The following NT5DC3 variants were observed in gnomAD, a reference collection of about 807,000 sequenced individuals.
NT5DC3 encodes 5'-nucleotidase domain-containing protein 3.
NT5DC3 carries 42 observed loss-of-function variants against 67.8 expected under a neutral mutation model. The observed-to-expected ratio is 0.62, with a 90% CI of 0.48 to 0.80. NT5DC3 has a LOEUF of 0.80. NT5DC3 is among the 30% of genes least tolerant of loss of function. The pLI is 0.00. For synonymous variants in NT5DC3, 237 were observed against 255.6 expected (o/e 0.93, Z 0.69); for missense variants, 570 against 696.4 (o/e 0.82, Z 2.04).
downstream of NT5DC3, chr12:103,770,814 C>G (rs1242074864): frequency 6.6e-6 from 1 of 152,174 alleles, no homozygotes; most frequent in Non-Finnish European, 1.5e-5. Context: ...ATCTTTACCC[C>G]CAAGGTGATA....
chr12:103,777,479 G>C lies in NT5DC3; in HGVS notation c.*350C>G. 4.0e-6 allele frequency: 1 copy of C among 252,686 alleles called. No homozygotes were observed. Among genetic ancestry groups the C allele is most frequent in the Non-Finnish European group, 7.6e-6 (1 of 131,784 alleles). 15.7% of individuals were successfully genotyped at this position (252,686 alleles called of 1,614,324 possible). A position where few individuals can be genotyped will look rare whatever the true frequency, so the allele number is the denominator to read the frequency against. On this transcript the variant is annotated 3_prime_UTR_variant, in exon 14 of 14. Transcript: ENST00000392876. The stretch of plus-strand genomic sequence containing the variant: ...GTAAATGTTCAGGAAATGTTCCATG[G>C]AGGAGTCAAGAACCGTTTCAAGCTT...
intron 1 of NT5DC3, among the ~76,000 whole-genome samples, chr12:103,838,303 T>C (rs2139496452): frequency 6.6e-6 from 1 of 152,322 alleles, no homozygotes; most frequent in Middle Eastern, 3.4e-3. Flanking sequence ...AAGGTGATCT[T>C]CCCCATCCCA....
chr12:103,836,258 T>C (rs1888142518), intron 1 of NT5DC3, among the ~76,000 whole-genome samples: 1 of 152,160 alleles, frequency 6.6e-6, no homozygotes, highest in African/African-American at 2.4e-5. Context: ...TCTTAACTCA[T>C]TTCAGCACTA....
chr12:103,828,910 G>GC (rs1230312582), intron 1 of NT5DC3, among the ~76,000 whole-genome samples: 1 of 152,014 alleles, frequency 6.6e-6, no homozygotes, highest in Non-Finnish European at 1.5e-5. Context: ...TGTTGGCCAG[G>GC]CTGGTCTTGA....
At chr12:103,746,344 C>T in the NT5DC3 span, 1 of 339,462 alleles carries the variant, frequency 2.9e-6, no homozygotes, top group African/African-American at 2.1e-5. Flanking sequence ...AATTGATAGC[C>T]CCTAAAGAAC....
downstream of NT5DC3, chr12:103,771,141 G>A (rs1455436113): frequency 2.6e-5 from 4 of 152,144 alleles, no homozygotes; most frequent in Non-Finnish European, 2.9e-5. Context: ...TCTTACATAC[G>A]TGTGTCTATA....
At chr12:103,830,637 T>C (rs1887887067) in intron 1 of NT5DC3, among the ~76,000 whole-genome samples, 1 of 152,252 alleles carries the variant, frequency 6.6e-6, no homozygotes, top group Non-Finnish European at 1.5e-5. Context: ...TTCTTCTTTT[T>C]CTAATCTGCC....
intron 4 of NT5DC3, among the ~76,000 whole-genome samples, chr12:103,804,440 A>C (rs1452726499): frequency 2.6e-5 from 4 of 152,330 alleles, no homozygotes; most frequent in African/African-American, 7.2e-5. Flanking sequence ...AAGCAAAGTG[A>C]GGGAGTAAAG....
At position 103,796,948 on chromosome 12, in the gene NT5DC3, G is replaced by A; in HGVS notation, c.699C>T (p.Tyr233=). 6.2e-7 allele frequency: 1 copy of A among 1,614,118 alleles called. No individual in the cohort carries two copies. Residue 233 remains tyrosine, a synonymous_variant, in exon 6 of 14, where the codon TAC becomes TAT. Coordinates refer to ENST00000392876, the MANE Select transcript of NT5DC3 (RefSeq NM_001031701.3). ...CATAGTCGATGTTGTTCTTGAGGAAGTATTCATTCACGCAGGACAGGAGGG... is the reference window on the plus strand; with the variant it reads ...CATAGTCGATGTTGTTCTTGAGGAAATATTCATTCACGCAGGACAGGAGGG... ...EMTLLSCVNE[Y]FLKNNIDYEP...
the NT5DC3 span, chr12:103,761,301 C>A: frequency 6.2e-7 from 1 of 1,613,800 alleles, no homozygotes; most frequent in Non-Finnish European, 8.5e-7. Context: ...TTTCCCTAGA[C>A]GGAGACCAGG....
intron 2 of NT5DC3, among the ~76,000 whole-genome samples, chr12:103,810,724 G>A (rs558163431): frequency 6.6e-6 from 1 of 152,294 alleles, no homozygotes; most frequent in African/African-American, 2.4e-5. Flanking sequence ...ATAGCTTCAA[G>A]CAAAGTTAAT....
At chr12:103,755,281 G>A in the NT5DC3 span, 1 of 1,611,832 alleles carries the variant, frequency 6.2e-7, no homozygotes, top group Non-Finnish European at 8.5e-7. Flanking sequence ...CTGACCCATG[G>A]CCCTGTCTGT....
chr12:103,759,221 C>T, the NT5DC3 span: 80 of 1,614,168 alleles, frequency 5.0e-5, no homozygotes, highest in African/African-American at 8.3e-4. Flanking sequence ...ACCCTGCAAA[C>T]GAGGCTGGGA....
intron 4 of NT5DC3, among the ~76,000 whole-genome samples, chr12:103,804,651 A>G (rs1166171424): frequency 6.6e-6 from 1 of 152,268 alleles, no homozygotes; most frequent in African/African-American, 2.4e-5. Context: ...AAAATCAGAG[A>G]TACCTACACA....
chr12:103,831,834 G>T (rs977754417), intron 1 of NT5DC3, among the ~76,000 whole-genome samples: 2 of 149,354 alleles, frequency 1.3e-5, no homozygotes, highest in South Asian at 2.1e-4. Flanking sequence ...GGAGTACAGC[G>T]GTGTGATCTC....
the NT5DC3 span, chr12:103,759,121 C>CT: frequency 3.1e-6 from 5 of 1,614,118 alleles, no homozygotes; most frequent in Non-Finnish European, 4.2e-6. Context: ...TGTGTTTCTC[C>CT]TTTTTTCTCA....
At chr12:103,782,143 G>A (rs1451198913) in intron 12 of NT5DC3, among the ~76,000 whole-genome samples, 2 of 152,222 alleles carry the variant, frequency 1.3e-5, no homozygotes, top group Non-Finnish European at 2.9e-5. Flanking sequence ...GCCAAGGCAG[G>A]TGGATCACTT....
At chr12:103,755,437 A>T in the NT5DC3 span, 1 of 1,614,098 alleles carries the variant, frequency 6.2e-7, no homozygotes, top group Non-Finnish European at 8.5e-7. Context: ...CAAGAGTGAA[A>T]TGTGGGATGT....
At chr12:103,784,260 A>G (rs1458816950) in intron 12 of NT5DC3, among the ~76,000 whole-genome samples, 4 of 152,244 alleles carry the variant, frequency 2.6e-5, no homozygotes, top group Non-Finnish European at 4.4e-5. Context: ...AGACAAGCAT[A>G]GCGAGGGAAA....
Sources: gnomAD v4.1 joint callset for allele counts (sites outside exome capture counted in the v4.1 genomes callset) on GRCh38, gnomAD v4.1.1 for gene constraint, MANE v1.5 for transcripts, NCBI Gene and HGNC (gene_info 2026-07-23, HGNC 2026-07-21) for gene names.